The following SHISA9 variants were observed in gnomAD, a reference collection of about 807,000 sequenced individuals.
SHISA9 encodes protein shisa-9.
A neutral mutation model predicts 38.0 loss-of-function variants in SHISA9; 13 were observed. The observed-to-expected ratio is 0.34, with a 90% CI of 0.22 to 0.54. SHISA9 has a LOEUF of 0.54. SHISA9 is among the 20% of genes least tolerant of loss of function. The probability of loss-of-function intolerance (pLI) is 0.91; values close to 1 mark genes in which losing one functional copy is unlikely to be tolerated. For synonymous variants in SHISA9, 275 were observed against 242.0 expected (o/e 1.14, Z -1.27); for missense variants, 538 against 575.8 (o/e 0.93, Z 0.67).
At chr16:13,493,199 T>C in the SHISA9 span, among the ~76,000 whole-genome samples, 3 of 150,052 alleles carry the variant, frequency 2.0e-5, no homozygotes, top group Admixed American at 1.3e-4. Flanking sequence ...AACAATGAAG[T>C]GTTTCAGAAA....
At position 13,228,979 on chromosome 16, in the gene SHISA9, G is replaced by T. The variant is rs919000335; in HGVS notation, c.896-6051G>T. 1.3e-4 allele frequency among the ~76,000 whole-genome samples: 20 copies of T among 152,178 alleles called. No homozygotes were observed. In the South Asian group the frequency reaches 4.0e-3, roughly 30 times the overall value. The stretch of plus-strand genomic sequence containing the variant: ...ACTTTGAGGCCAGCCTGGCCAACAT[G>T]GAAAAACGCTTCTCTACTGAAAATA... On this transcript the variant is annotated intron_variant, in intron 4 of 4. Coordinates refer to ENST00000558583, the MANE Select transcript of SHISA9 (RefSeq NM_001145204.3).
the SHISA9 span, among the ~76,000 whole-genome samples, chr16:13,273,912 TC>T: frequency 6.6e-6 from 1 of 152,160 alleles, no homozygotes; most frequent in African/African-American, 2.4e-5. Flanking sequence ...TAGGACAGTC[TC>T]CCAGGGCCAT....
chr16:13,453,565 C>T, the SHISA9 span, among the ~76,000 whole-genome samples: 1 of 152,148 alleles, frequency 6.6e-6, no homozygotes. Flanking sequence ...GCCAAATTGC[C>T]CCAGACCAGG....
intron 2 of SHISA9, among the ~76,000 whole-genome samples, chr16:13,118,816 A>C (rs56268331): frequency 1.4e-5 from 2 of 140,992 alleles, no homozygotes; most frequent in East Asian, 4.1e-4. Context: ...TGCAACCTCC[A>C]CCTCACGGGT....
At chr16:13,103,762 T>G (rs2073900945) in intron 2 of SHISA9, among the ~76,000 whole-genome samples, 2 of 152,214 alleles carry the variant, frequency 1.3e-5, no homozygotes, top group South Asian at 4.1e-4. Context: ...GTCCACCATG[T>G]TTTTTCTTCC....
the SHISA9 span, among the ~76,000 whole-genome samples, chr16:13,294,195 G>A: frequency 1.3e-5 from 2 of 152,266 alleles, no homozygotes; most frequent in Non-Finnish European, 2.9e-5. Flanking sequence ...GGTTTGCTGT[G>A]TAATAATCTA....
the SHISA9 span, among the ~76,000 whole-genome samples, chr16:13,496,866 A>G: frequency 6.6e-6 from 1 of 152,198 alleles, no homozygotes; most frequent in Non-Finnish European, 1.5e-5. Context: ...GTCTATCTAT[A>G]TATAAAGATT....
At chr16:13,224,291 G>A (rs998541912) in intron 4 of SHISA9, among the ~76,000 whole-genome samples, 27 of 152,046 alleles carry the variant, frequency 1.8e-4, no homozygotes, top group African/African-American at 4.3e-4. Flanking sequence ...CCCTTCCCCC[G>A]AGCTAGGTCT....
At chr16:13,125,297 T>G (rs2050246718) in intron 2 of SHISA9, among the ~76,000 whole-genome samples, 1 of 152,116 alleles carries the variant, frequency 6.6e-6, no homozygotes, top group African/African-American at 2.4e-5. Flanking sequence ...TCATAACAAA[T>G]GGGCAAAATA....
chr16:13,094,406 C>T (rs138209629), intron 2 of SHISA9, among the ~76,000 whole-genome samples: 16 of 152,024 alleles, frequency 1.1e-4, no homozygotes, highest in Admixed American at 2.0e-4. Flanking sequence ...CGGAAATTAC[C>T]GAATTTGCAT....
the SHISA9 span, among the ~76,000 whole-genome samples, chr16:13,348,877 C>T: frequency 6.6e-5 from 10 of 152,114 alleles, no homozygotes; most frequent in East Asian, 2.0e-3. Flanking sequence ...ACTTTGTGGC[C>T]TCACCAGCTT....
At chr16:12,902,788 C>T in intron 1 of SHISA9, 161 bp downstream of exon 1, 2 of 700,154 alleles carry the variant, frequency 2.9e-6, no homozygotes, top group Admixed American at 2.9e-5. Flanking sequence ...GCTTGGAACA[C>T]GGAGAAGGGG....
intron 2 of SHISA9, among the ~76,000 whole-genome samples, chr16:13,061,177 C>T (rs536627126): frequency 1.3e-5 from 2 of 152,250 alleles, no homozygotes; most frequent in South Asian, 2.1e-4. Context: ...CACACGGGGC[C>T]TGATACGGCT....
the SHISA9 span, among the ~76,000 whole-genome samples, chr16:13,503,896 G>A: frequency 1.2e-4 from 19 of 152,122 alleles, no homozygotes; most frequent in African/African-American, 1.4e-4. Context: ...AAGAGCCCAC[G>A]ATAGAATAAA....
At chr16:13,291,078 G>C in the SHISA9 span, among the ~76,000 whole-genome samples, 1 of 152,118 alleles carries the variant, frequency 6.6e-6, no homozygotes, top group East Asian at 1.9e-4. Context: ...TATAGGAACT[G>C]CAGTTGACTG....
chr16:13,280,116 T>C, the SHISA9 span, among the ~76,000 whole-genome samples: 1 of 112,298 alleles, frequency 8.9e-6, no homozygotes, highest in East Asian at 2.7e-4. Flanking sequence ...TCTCTCTTTC[T>C]CTTTTTTTTT....
chr16:13,095,769 G>A (rs924184686), intron 2 of SHISA9, among the ~76,000 whole-genome samples: 1 of 152,204 alleles, frequency 6.6e-6, no homozygotes, highest in South Asian at 2.1e-4. Flanking sequence ...GTGAATACTC[G>A]ATAAATAGTG....
At chr16:13,446,544 G>A in the SHISA9 span, among the ~76,000 whole-genome samples, 2 of 152,138 alleles carry the variant, frequency 1.3e-5, no homozygotes, top group Admixed American at 6.6e-5. Flanking sequence ...CCAATAAGAT[G>A]TCTTAGAGAA....
chr16:13,558,356 A>T, the SHISA9 span, among the ~76,000 whole-genome samples: 3 of 152,120 alleles, frequency 2.0e-5, no homozygotes, highest in African/African-American at 7.2e-5. Flanking sequence ...TTTATCAATA[A>T]CAAGAAAGTG....
Sources: gnomAD v4.1 joint callset for allele counts (sites outside exome capture counted in the v4.1 genomes callset) on GRCh38, gnomAD v4.1.1 for gene constraint, MANE v1.5 for transcripts, NCBI Gene and HGNC (gene_info 2026-07-23, HGNC 2026-07-21) for gene names.